Variants in SMAD1 observed in about 807,000 individuals in gnomAD.
The protein encoded by SMAD1 is MAD, mothers against decapentaplegic homolog 1.
SMAD1 carries 6 observed loss-of-function variants against 41.6 expected under a neutral mutation model. That is an observed-to-expected ratio of 0.14 (90% CI 0.08 to 0.28). SMAD1 has a LOEUF of 0.28. Ranked by LOEUF, SMAD1 falls within the 10% of genes least tolerant of loss-of-function variation. The pLI is 1.00. For synonymous variants in SMAD1, 206 were observed against 203.2 expected, an observed-to-expected ratio of 1.01 and a Z score of -0.12; for missense variants, 379 against 582.6, an observed-to-expected ratio of 0.65 and a Z score of 3.60.
intron 1 of SMAD1, among the ~76,000 whole-genome samples, chr4:145,487,914 G>T (rs1212939910): frequency 6.6e-6 from 1 of 152,134 alleles, no homozygotes; most frequent in Non-Finnish European, 1.5e-5. Context: ...TCACTCCAGT[G>T]ACTACATCAG....
At chr4:145,557,770 C>T (rs369243486) in intron 6 of SMAD1, 21 bp from the exon 7 acceptor site, 22 of 1,588,372 alleles carry the variant, frequency 1.4e-5, no homozygotes, top group Non-Finnish European at 1.7e-5. Context: ...AGTTAAATGA[C>T]CTCCAGTATG....
chr4:145,522,271 C>T (rs1730782194), intron 2 of SMAD1, among the ~76,000 whole-genome samples: 1 of 151,430 alleles, frequency 6.6e-6, no homozygotes, highest in Non-Finnish European at 1.5e-5. Context: ...TGCACTCCAG[C>T]CAGGGCGACA....
At position 145,514,808 on chromosome 4, in the gene SMAD1, C is replaced by T. The variant is rs1170510595; in HGVS notation, c.195C>T (p.Val65=). Residue 65 remains valine, a synonymous_variant, in exon 2 of 7, where the codon GTC becomes GTT. Coordinates refer to ENST00000302085, the MANE Select transcript of SMAD1 (RefSeq NM_005900.3). The surrounding 1 kb of genome is among the most constrained non-coding windows in gnomAD (Gnocchi z 4.7). ...GCCCAGGGCAACCGAGTAACTGTGT[C>T]ACCATTCCCCGCTCTCTGGATGGCA... ...LSCPGQPSNC[V]TIPRSLDGRL... The T allele has an allele frequency of 6.2e-7, 1 of 1,614,102 alleles. No individual in the cohort carries two copies. The highest frequency in any genetic ancestry group is 2.2e-5 in the East Asian group (1 of 44,878).
At chr4:145,554,863 G>A (rs1732753307) in intron 6 of SMAD1, among the ~76,000 whole-genome samples, 1 of 152,144 alleles carries the variant, frequency 6.6e-6, no homozygotes, top group Admixed American at 6.5e-5. Context: ...TTATATGTTT[G>A]AGTGAGGCAA....
intron 2 of SMAD1, among the ~76,000 whole-genome samples, chr4:145,523,349 A>G (rs1427228105): frequency 2.0e-5 from 3 of 152,230 alleles, no homozygotes; most frequent in Non-Finnish European, 2.9e-5. Flanking sequence ...TCTGACACAT[A>G]TAACACATGG....
chr4:145,531,617 C>T (rs1375050393), intron 2 of SMAD1, among the ~76,000 whole-genome samples: 1 of 152,056 alleles, frequency 6.6e-6, no homozygotes, highest in Non-Finnish European at 1.5e-5. Flanking sequence ...GCAGGAAGAC[C>T]CTGTGGAGAG....
intron 1 of SMAD1, among the ~76,000 whole-genome samples, chr4:145,507,598 T>C (rs1042411466): frequency 2.6e-5 from 4 of 151,916 alleles, no homozygotes; most frequent in African/African-American, 9.7e-5. Context: ...TTAGAGTAAA[T>C]TTCTGAAGAT....
intron 1 of SMAD1, among the ~76,000 whole-genome samples, chr4:145,486,675 C>T (rs1019456440): frequency 6.6e-6 from 1 of 152,140 alleles, no homozygotes; most frequent in Non-Finnish European, 1.5e-5. Flanking sequence ...CAAGTGCTTT[C>T]ATAAACATTA....
chr4:145,539,760 A>T, intron 2 of SMAD1, 44 bp from the exon 3 acceptor site: 1 of 1,590,474 alleles, frequency 6.3e-7, no homozygotes, highest in Non-Finnish European at 8.6e-7. Flanking sequence ...TATAGATCAT[A>T]ATTCTCATGT....
intron 2 of SMAD1, among the ~76,000 whole-genome samples, chr4:145,531,365 A>G (rs1731310645): frequency 6.6e-6 from 1 of 152,110 alleles, no homozygotes; most frequent in Non-Finnish European, 1.5e-5. Context: ...TCGTGTAGGC[A>G]TCATATTGGG....
intron 2 of SMAD1, among the ~76,000 whole-genome samples, chr4:145,520,648 A>G (rs1394395932): frequency 6.6e-6 from 1 of 152,226 alleles, no homozygotes; most frequent in Non-Finnish European, 1.5e-5. Flanking sequence ...CATTAAGATG[A>G]GCCCTCTAAC....
intron 1 of SMAD1, among the ~76,000 whole-genome samples, chr4:145,494,247 A>G (rs1728935204): frequency 6.6e-6 from 1 of 152,196 alleles, no homozygotes; most frequent in Non-Finnish European, 1.5e-5. Flanking sequence ...GGCGTGAGCC[A>G]CCGCGCCCGG....
intron 2 of SMAD1, among the ~76,000 whole-genome samples, chr4:145,526,085 A>G (rs995699366): frequency 6.6e-6 from 1 of 152,116 alleles, no homozygotes; most frequent in Non-Finnish European, 1.5e-5. Flanking sequence ...ACATTTTTTT[A>G]TCTAAATTGT....
intron 6 of SMAD1, 81 bp downstream of exon 6, chr4:145,554,121 A>C: frequency 8.3e-7 from 1 of 1,207,638 alleles, no homozygotes; most frequent in Non-Finnish European, 1.2e-6. Context: ...CGATATATGA[A>C]TCTATATCCT....
chr4:145,511,024 C>T (rs1437204299), intron 1 of SMAD1, among the ~76,000 whole-genome samples: 1 of 152,016 alleles, frequency 6.6e-6, no homozygotes, highest in East Asian at 1.9e-4. Context: ...GCTATGCCAG[C>T]TTTTTGGGTG....
chr4:145,490,770 G>T (rs1728730826), intron 1 of SMAD1, among the ~76,000 whole-genome samples: 1 of 152,136 alleles, frequency 6.6e-6, no homozygotes. Context: ...CTAGATAAAG[G>T]TTTCTAAGAA....
rs1266332867 is a variant in SMAD1 at position 145,517,798 on chromosome 4, A to T, written c.400+2785A>T. 3.2e-5 allele frequency among the ~76,000 whole-genome samples: 4 copies of T among 125,592 alleles called. 2 individuals are homozygous for T. The highest frequency in any genetic ancestry group is 7.8e-5 in the Non-Finnish European group (4 of 51,018). 82.4% of individuals were successfully genotyped at this position (125,592 alleles called of 152,430 possible). ...ATACTGAGATGAATTTGTTACTCTTAATAACATATGTGCTAATAAAATAAT... is the reference window on the plus strand; with the variant it reads ...ATACTGAGATGAATTTGTTACTCTTTATAACATATGTGCTAATAAAATAAT... On this transcript the variant is annotated intron_variant, in intron 2 of 6. Coordinates refer to ENST00000302085, the MANE Select transcript of SMAD1 (RefSeq NM_005900.3).
At chr4:145,517,661 A>ACGCTGGTCTCGAAGTCCTGACC (rs1578778733) in intron 2 of SMAD1, among the ~76,000 whole-genome samples, 2 of 132,720 alleles carry the variant, frequency 1.5e-5, no homozygotes, top group African/African-American at 2.5e-5. Flanking sequence ...TCATTTGGCC[A>ACGCTGGTCTCGAAGTCCTGACC]TTTTTTTAGT....
chr4:145,497,171 A>G (rs1373927372), intron 1 of SMAD1: 1 of 152,244 alleles, frequency 6.6e-6, no homozygotes, highest in African/African-American at 2.4e-5. Flanking sequence ...TGTAGAAGCA[A>G]TAGTTAATTA....
Sources: gnomAD v4.1 joint callset for allele counts (sites outside exome capture counted in the v4.1 genomes callset) on GRCh38, gnomAD v4.1.1 for gene constraint, Gnocchi (gnomAD v3.1) non-coding constraint, MANE v1.5 for transcripts, NCBI Gene and HGNC (gene_info 2026-07-23, HGNC 2026-07-21) for gene names.